CACYBP: variants seen among roughly 807,000 people sequenced by gnomAD.
CACYBP encodes calcyclin binding protein.
Under a neutral mutation model 29.6 loss-of-function variants are expected in CACYBP, and 11 were observed. The observed-to-expected ratio is 0.37, with a 90% CI of 0.23 to 0.61. The LOEUF (loss-of-function observed/expected upper bound fraction) is 0.61, where lower values mean the gene tolerates loss of function less well. Ranked by LOEUF, CACYBP falls within the 20% of genes least tolerant of loss-of-function variation. CACYBP has a pLI of 0.65. For missense variants in CACYBP, 163 were observed against 260.7 expected, an observed-to-expected ratio of 0.63 and a Z score of 2.58; for synonymous variants, 73 against 88.3, an observed-to-expected ratio of 0.83 and a Z score of 0.97.
upstream of CACYBP, chr1:174,999,830 T>A (rs1672414146): frequency 2.3e-6 from 1 of 442,406 alleles, no homozygotes. Context: ...GCCGGTTCGC[T>A]CGCGAGACTT....
chr1:175,000,297 A>T, intron 1 of CACYBP, 102 bp downstream of exon 1: 1 of 1,517,414 alleles, frequency 6.6e-7, no homozygotes, highest in South Asian at 1.2e-5. Context: ...CCCTGCGGCC[A>T]CCCGGTCCCG....
At chr1:175,009,124 G>C (rs1672685735) in intron 5 of CACYBP, among the ~76,000 whole-genome samples, 1 of 152,132 alleles carries the variant, frequency 6.6e-6, no homozygotes, top group South Asian at 2.1e-4. Flanking sequence ...TTCTAGGTCA[G>C]TTCATCTTCT....
In CACYBP at chr1:175,006,760, A is replaced by G. The variant is rs1487467037; in HGVS notation, c.251A>G (p.Asp84Gly). The G allele has an allele frequency of 2.5e-6, 4 of 1,593,246 alleles. No individual in the cohort carries two copies. The highest frequency in any genetic ancestry group is 2.0e-4 in the Middle Eastern group (1 of 4,886). ...KISNYGWDQS[D>G]KFVKIYITLT... ...TCGTTGCCAGGATGGGATCAGTCAG[A>G]TAAGTTTGTGAAAATCTACATTACC... Residue 84 changes from aspartate to glycine, a missense_variant, in exon 3 of 6, where the codon GAT becomes GGT. Asp to Gly is a moderately conservative substitution (Grantham distance 94, BLOSUM62 -1). Transcript: ENST00000367679.
intron 1 of CACYBP, among the ~76,000 whole-genome samples, chr1:175,001,390 A>G (rs1275662942): frequency 6.6e-6 from 1 of 152,228 alleles, no homozygotes; most frequent in African/African-American, 2.4e-5. Flanking sequence ...TTGTTTAAAT[A>G]TATTCACAGT....
upstream of CACYBP, chr1:174,999,909 G>C (rs925775553): frequency 3.7e-6 from 2 of 539,094 alleles, no homozygotes; most frequent in East Asian, 3.5e-5. Context: ...GTGGGGCTAG[G>C]CTCGGCGAGG....
Position 175,004,810 on chromosome 1 carries a change from A to C in CACYBP, c.212A>C (p.Tyr71Ser). Residue 71 changes from tyrosine to serine, a missense_variant, in exon 2 of 6, where the codon TAT becomes TCT. Physicochemically the swap from Tyr to Ser is moderately radical, Grantham distance 144 (BLOSUM62 -2). Coordinates refer to ENST00000367679, the MANE Select transcript of CACYBP (RefSeq NM_014412.3). ...AAVVAPITTG[Y>S]TVKISNYGWD... ...GTGGTTGCTCCCATTACAACGGGCT[A>C]TACGGTGAAAATCAGTAATTATGGT... 1 of 1,611,250 alleles carries C rather than the reference A, an allele frequency of 6.2e-7. No individual in the cohort carries two copies. Among genetic ancestry groups the C allele is most frequent in the Non-Finnish European group, 8.5e-7 (1 of 1,177,334 alleles).
At chr1:175,002,847 A>G (rs1672525773) in intron 1 of CACYBP, among the ~76,000 whole-genome samples, 1 of 152,224 alleles carries the variant, frequency 6.6e-6, no homozygotes, top group Non-Finnish European at 1.5e-5. Context: ...TACCTTTCTC[A>G]TTCTGCTAGA....
intron 1 of CACYBP, among the ~76,000 whole-genome samples, chr1:175,001,710 G>A (rs957785885): frequency 1.3e-5 from 2 of 152,162 alleles, no homozygotes; most frequent in Admixed American, 6.5e-5. Flanking sequence ...GTGGCACATT[G>A]TGTTTATCCT....
intron 4 of CACYBP, 140 bp from the exon 5 acceptor site, chr1:175,008,469 T>G (rs771704453): frequency 1.1e-4 from 58 of 544,062 alleles, no homozygotes; most frequent in Non-Finnish European, 1.6e-4. Context: ...TTTTGGCCTA[T>G]TCATACAAGT....
intron 1 of CACYBP, among the ~76,000 whole-genome samples, chr1:175,002,999 TTGAAC>T (rs11279561): frequency 0.17 from 25,910 of 152,102 alleles, 2,583 homozygotes; most frequent in Non-Finnish European, 0.23. Flanking sequence ...AAATATTACT[TTGAAC>T]TGAAACATTT....
chr1:175,010,807 GTTTTATGAT>G lies in CACYBP; in HGVS notation c.*731_*739del, dbSNP rs1251204625. 1.3e-5 allele frequency: 2 copies of G among 152,134 alleles called. No individual in the cohort carries two copies. Among genetic ancestry groups the G allele is most frequent in the Non-Finnish European group, 2.9e-5 (2 of 68,018 alleles). The allele number at this position is 152,134 out of a possible 1,614,324, so 9.4% of individuals were successfully genotyped here. A position where few individuals can be genotyped will look rare whatever the true frequency, so the allele number is the denominator to read the frequency against. ...AGTTAAGTTTTTCTTCATTAGAACAGTTTTATGATTTATTTGTCTAGGAGTATGTCAGAA... is the reference window on the plus strand; with the variant it reads ...AGTTAAGTTTTTCTTCATTAGAACAGTTATTTGTCTAGGAGTATGTCAGAA... On this transcript the variant is annotated 3_prime_UTR_variant, in exon 6 of 6. Transcript: ENST00000367679.
intron 1 of CACYBP, among the ~76,000 whole-genome samples, chr1:175,001,415 A>G (rs1672486940): frequency 6.6e-6 from 1 of 152,240 alleles, no homozygotes; most frequent in South Asian, 2.1e-4. Context: ...TGCAGCCATC[A>G]CCACTGTCTA....
At position 175,011,897 on chromosome 1, in the gene CACYBP, A is replaced by C. The variant is rs1672766258; in HGVS notation, c.*1818A>C. On this transcript the variant is annotated 3_prime_UTR_variant, in exon 6 of 6. Transcript: ENST00000367679. ...GGTGGGCGGATCACTTGAGGTCAGG[A>C]GTTCAAGACCATCTGGCCAACATGG... 6.6e-6 allele frequency: 1 copy of C among 152,222 alleles called. No homozygotes were observed. Among genetic ancestry groups the C allele is most frequent in the South Asian group, 2.1e-4 (1 of 4,836 alleles). 9.4% of individuals were successfully genotyped at this position (152,222 alleles called of 1,614,324 possible).
chr1:175,010,083 T>C lies in CACYBP; in HGVS notation c.*4T>C, dbSNP rs746680687. The C allele has an allele frequency of 1.2e-6, 2 of 1,611,510 alleles. No homozygotes were observed. The highest frequency in any genetic ancestry group is 1.7e-6 in the Non-Finnish European group (2 of 1,178,986). On this transcript the variant is annotated 3_prime_UTR_variant, in exon 6 of 6. Transcript: ENST00000367679. ...CAAAGGAGACACGGAATTTTGAGAC[T>C]TTAAAGTCGTTTTGGGAACTGTGAT...
chr1:175,007,874 G>A (rs918690551), intron 4 of CACYBP, among the ~76,000 whole-genome samples: 2 of 152,150 alleles, frequency 1.3e-5, no homozygotes, highest in Non-Finnish European at 2.9e-5. Flanking sequence ...GATAGTCCCT[G>A]TTTTCTGCCT....
intron 1 of CACYBP, chr1:175,000,533 G>A (rs1672448730): frequency 2.4e-6 from 3 of 1,231,330 alleles, no homozygotes; most frequent in African/African-American, 1.6e-5. Flanking sequence ...CCAGTGGACA[G>A]GAAGCTTCAT....
chr1:175,007,943 T>G (rs1342584411), intron 4 of CACYBP, among the ~76,000 whole-genome samples: 3 of 152,206 alleles, frequency 2.0e-5, no homozygotes, highest in Admixed American at 6.5e-5. Context: ...CTGCCATCTG[T>G]TTTTATAATA....
At chr1:175,007,030 C>G in intron 3 of CACYBP, 68 bp from the exon 4 acceptor site, 1 of 1,163,568 alleles carries the variant, frequency 8.6e-7, no homozygotes, top group Admixed American at 2.0e-5. Context: ...TTTTTTCCCA[C>G]AAGAACTATG....
chr1:175,004,046 ATTTTT>A (rs570731617), intron 1 of CACYBP, among the ~76,000 whole-genome samples: 1 of 149,360 alleles, frequency 6.7e-6, no homozygotes, highest in Non-Finnish European at 1.5e-5. Context: ...AAAAGCAGAA[ATTTTT>A]TTTTTTATCT....
Sources: allele counts gnomAD v4.1 joint callset (sites outside exome capture counted in the v4.1 genomes callset), GRCh38; gene constraint gnomAD v4.1.1; transcripts MANE v1.5; gene names NCBI Gene and HGNC (gene_info 2026-07-23, HGNC 2026-07-21).